Variants in NHSL2 observed in about 807,000 individuals in gnomAD.
NHSL2 encodes the protein NHS like 2.
NHSL2 carries 27 observed loss-of-function variants against 53.4 expected under a neutral mutation model. That is an observed-to-expected ratio of 0.51 (90% confidence interval 0.37 to 0.70). The LOEUF (loss-of-function observed/expected upper bound fraction) is 0.70. NHSL2 is among the 30% of genes least tolerant of loss of function. NHSL2 has a pLI of 0.00. For synonymous variants in NHSL2, 408 were observed against 404.1 expected (o/e 1.01, Z -0.12); for missense variants, 892 against 980.1 (o/e 0.91, Z 1.20).
chrX:71,928,406 T>C (rs2041696212), intron 1 of NHSL2, among the ~76,000 whole-genome samples: 1 of 111,821 alleles, frequency 8.9e-6, no homozygotes, highest in Admixed American at 9.5e-5. Context: ...AGCAGACATA[T>C]GCATAAGAAG....
intron 1 of NHSL2, among the ~76,000 whole-genome samples, chrX:71,966,334 T>C (rs1160741249): frequency 8.9e-6 from 1 of 112,088 alleles, no homozygotes; most frequent in Non-Finnish European, 1.9e-5. Flanking sequence ...TCCAGTAAAA[T>C]GTTGAGAAGC....
intron 1 of NHSL2, among the ~76,000 whole-genome samples, chrX:72,091,440 C>A (rs893975507): frequency 2.0e-5 from 2 of 101,072 alleles, no homozygotes; most frequent in Non-Finnish European, 3.9e-5. Context: ...GGCGACAGAG[C>A]GAGACTCCGT....
intron 1 of NHSL2, among the ~76,000 whole-genome samples, chrX:71,983,458 A>C (rs2041989172): frequency 2.8e-5 from 3 of 106,232 alleles, no homozygotes; most frequent in African/African-American, 7.0e-5. Context: ...AAAAAAAATT[A>C]AAATTAGCCA....
chrX:72,072,562 T>C (rs2041709428), intron 1 of NHSL2, among the ~76,000 whole-genome samples: 1 of 111,655 alleles, frequency 9.0e-6, no homozygotes, highest in South Asian at 3.7e-4. Context: ...TTACCATGCT[T>C]TCACTAATGC....
At chrX:71,947,265 C>T (rs1381069705) in intron 1 of NHSL2, among the ~76,000 whole-genome samples, 2 of 111,902 alleles carry the variant, frequency 1.8e-5, no homozygotes, top group African/African-American at 6.5e-5. Context: ...CTTCCCTCTC[C>T]TCACTCCAGC....
intron 1 of NHSL2, among the ~76,000 whole-genome samples, chrX:72,030,178 G>A (rs891243603): frequency 8.9e-6 from 1 of 112,395 alleles, no homozygotes; most frequent in Non-Finnish European, 1.9e-5. Context: ...TAACAGAGGT[G>A]AGAGATGACA....
intron 4 of NHSL2, 73 bp downstream of exon 4, chrX:72,134,777 G>T (rs2042341925): frequency 5.2e-6 from 4 of 767,834 alleles, no homozygotes; most frequent in African/African-American, 4.1e-5. Context: ...GATGCACTGG[G>T]TATTGGGGGA....
chrX:72,131,480 C>A (rs1476816769), intron 1 of NHSL2: 2 of 1,206,341 alleles, frequency 1.7e-6, no homozygotes, highest in Non-Finnish European at 2.2e-6. Context: ...GCATTTAATT[C>A]TTCGCGCAGG....
intron 1 of NHSL2, among the ~76,000 whole-genome samples, chrX:72,114,414 C>T (rs1266323371): frequency 8.9e-6 from 1 of 111,763 alleles, no homozygotes; most frequent in Non-Finnish European, 1.9e-5. Context: ...GCGCCTCTCA[C>T]ACTGCAAAGG....
chrX:72,027,337 T>C (rs948939563), intron 1 of NHSL2: 1 of 111,166 alleles, frequency 9.0e-6, no homozygotes, highest in Non-Finnish European at 1.9e-5. Context: ...CCCCCCATCT[T>C]TTGCTCCTGG....
chrX:71,969,311 T>C (rs1374033866), intron 1 of NHSL2, among the ~76,000 whole-genome samples: 3 of 95,118 alleles, frequency 3.2e-5, no homozygotes, highest in Admixed American at 1.3e-4. Context: ...TTTTTCTTTT[T>C]TTTTTTTCTT....
At chrX:72,109,533 G>A (rs1019191145) in intron 1 of NHSL2, among the ~76,000 whole-genome samples, 6 of 111,880 alleles carry the variant, frequency 5.4e-5, no homozygotes, top group South Asian at 7.4e-4. Context: ...GCAATGGCGC[G>A]ATCTCGGCTC....
chrX:72,118,502 C>T (rs964373987), intron 1 of NHSL2, among the ~76,000 whole-genome samples: 2 of 111,578 alleles, frequency 1.8e-5, no homozygotes, highest in Admixed American at 1.9e-4. Context: ...CATGGCTCAC[C>T]GTAGCCTCGA....
chrX:71,974,166 A>G (rs1403712266), intron 1 of NHSL2, among the ~76,000 whole-genome samples: 2 of 112,349 alleles, frequency 1.8e-5, no homozygotes, highest in Non-Finnish European at 3.8e-5. Context: ...AAAAGCATCT[A>G]CTTCCAACAC....
chrX:72,049,812 C>T (rs746008664), intron 1 of NHSL2, among the ~76,000 whole-genome samples: 11 of 103,906 alleles, frequency 1.1e-4, no homozygotes, highest in Admixed American at 3.2e-4. Context: ...GAGCTGGGAA[C>T]GCTCAAGGCT....
chrX:72,128,854 G>C (rs1306595528), intron 1 of NHSL2: 1 of 113,239 alleles, frequency 8.8e-6, no homozygotes, highest in African/African-American at 3.2e-5. Flanking sequence ...TCCAAGGCCT[G>C]GCAAGGGGAG....
At chrX:72,054,280 T>G (rs983251259) in intron 1 of NHSL2, among the ~76,000 whole-genome samples, 1 of 111,326 alleles carries the variant, frequency 9.0e-6, no homozygotes, top group Non-Finnish European at 1.9e-5. Flanking sequence ...TGCTTTTTGA[T>G]TGGTGCAGTA....
chrX:72,110,826 C>A (rs1309385411), intron 1 of NHSL2, among the ~76,000 whole-genome samples: 1 of 108,554 alleles, frequency 9.2e-6, no homozygotes, highest in African/African-American at 3.4e-5. Flanking sequence ...CCTCAGCACA[C>A]ACGGCCACCA....
chrX:71,936,153 G>GGCT (rs1232565844), intron 1 of NHSL2, among the ~76,000 whole-genome samples: 1 of 111,930 alleles, frequency 8.9e-6, no homozygotes, highest in Non-Finnish European at 1.9e-5. Flanking sequence ...GCTACCAAGT[G>GGCT]GCTGTGTTAG....
Sources: gnomAD v4.1 joint callset for allele counts (sites outside exome capture counted in the v4.1 genomes callset) on GRCh38, gnomAD v4.1.1 for gene constraint, MANE v1.5 for transcripts, NCBI Gene and HGNC (gene_info 2026-07-23, HGNC 2026-07-21) for gene names.